Variants in CFAP20DC observed in about 807,000 individuals in gnomAD.
The protein encoded by CFAP20DC is protein CFAP20DC.
Under a neutral mutation model 101.7 loss-of-function variants are expected in CFAP20DC, and 84 were observed. That is an observed-to-expected ratio of 0.83 (90% CI 0.69 to 0.99). The LOEUF (loss-of-function observed/expected upper bound fraction) is 0.99, where lower values mean the gene tolerates loss of function less well. Ranked by LOEUF, CFAP20DC falls within the 50% of genes least tolerant of loss-of-function variation. CFAP20DC has a pLI of 0.00. For synonymous variants in CFAP20DC, 359 were observed against 351.2 expected (o/e 1.02, Z -0.25); for missense variants, 1,007 against 970.3 (o/e 1.04, Z -0.50).
chr3:58,720,993 T>G (rs1041952856), intron 3 of CFAP20DC, among the ~76,000 whole-genome samples: 1 of 152,246 alleles, frequency 6.6e-6, no homozygotes, highest in African/African-American at 2.4e-5. Context: ...GAGAAGCACT[T>G]GGTGGAAATC....
At position 58,914,003 on chromosome 3, in the gene CFAP20DC, A is replaced by C; in HGVS notation, c.394-139T>G. 1.2e-6 allele frequency: 1 copy of C among 833,112 alleles called. No homozygotes were observed. 51.6% of individuals were successfully genotyped at this position (833,112 alleles called of 1,614,324 possible). A position where few individuals can be genotyped will look rare whatever the true frequency, so the allele number is the denominator to read the frequency against. ...CCAAACTAATTTTCCTCTTTAGGTA[A>C]ACTTATCTCTGTTTTGGCTTAAAAA... On this transcript the variant is annotated intron_variant, in intron 5 of 16. Coordinates refer to ENST00000482387, the MANE Select transcript of CFAP20DC (RefSeq NM_001394063.1). This position sits in a 1 kb window ranked among gnomAD's most constrained non-coding sequence, Gnocchi z 4.9.
At chr3:58,885,748 A>C (rs1331708662) in intron 6 of CFAP20DC, among the ~76,000 whole-genome samples, 1 of 151,778 alleles carries the variant, frequency 6.6e-6, no homozygotes, top group African/African-American at 2.4e-5. Context: ...CACTTAACAT[A>C]ATGTCCACTT....
At chr3:58,812,542 C>T (rs1424528258) in intron 14 of CFAP20DC, among the ~76,000 whole-genome samples, 4 of 150,188 alleles carry the variant, frequency 2.7e-5, no homozygotes, top group African/African-American at 9.9e-5. Context: ...ACATCACAGT[C>T]TGGGGACTGT....
rs923569069 is a variant in CFAP20DC, at chr3:58,951,524, T to G, written c.279-13762A>C. Among the ~76,000 whole-genome samples, 14 of 152,250 alleles carry G rather than the reference T, an allele frequency of 9.2e-5. 1 individual carries two copies. The highest frequency in any genetic ancestry group is 6.5e-4 in the Admixed American group (10 of 15,294). On this transcript the variant is annotated intron_variant, in intron 4 of 16. Transcript: ENST00000482387. ...AGCCAAGCCAAATGTCCAACAATGA[T>G]AGACTGGATTAAGAAAATGTGGCAC...
At chr3:58,786,384 C>T (rs755993926) in intron 15 of CFAP20DC, among the ~76,000 whole-genome samples, 5 of 152,100 alleles carry the variant, frequency 3.3e-5, no homozygotes, top group Non-Finnish European at 5.9e-5. Context: ...ACAGTAGTCC[C>T]TCCTTGTCCT....
At chr3:58,813,672 T>A (rs542247181) in intron 14 of CFAP20DC, among the ~76,000 whole-genome samples, 1 of 152,104 alleles carries the variant, frequency 6.6e-6, no homozygotes, top group East Asian at 1.9e-4. Flanking sequence ...ACTGTCTTCC[T>A]CTATAAATTA....
intron 15 of CFAP20DC, among the ~76,000 whole-genome samples, chr3:58,755,325 A>AT (rs56845425): frequency 0.12 from 17,891 of 152,106 alleles, 1,884 homozygotes; most frequent in East Asian, 0.35. Flanking sequence ...CTAATGGGGC[A>AT]TTTCTGATAA....
chr3:58,891,440 AGGG>A (rs2082251905), intron 6 of CFAP20DC, among the ~76,000 whole-genome samples: 1 of 142,388 alleles, frequency 7.0e-6, no homozygotes, highest in African/African-American at 2.7e-5. Context: ...GGAGAGGGAG[AGGG>A]AGAGGGAGAG....
Position 58,849,212 on chromosome 3 carries a change from C to G in CFAP20DC, c.1791G>C (p.Met597Ile). ...AAAGGCATGTTGTAGGCAACAAACT[C>G]ATTTCAAAGTTATTTCTATCTATTT... is the stretch of plus-strand genomic sequence containing the variant. ...MEQIDRNNFE[M>I]SLLPTTCLSP... Residue 597 changes from methionine (M) to isoleucine (I), a missense_variant, in exon 13 of 17, where the codon ATG becomes ATC. Physicochemically the swap from Met to Ile is conservative, Grantham distance 10. Coordinates refer to ENST00000482387, the MANE Select transcript of CFAP20DC (RefSeq NM_001394063.1). The G allele has an allele frequency of 6.5e-7, 1 of 1,536,094 alleles. No homozygotes were observed. The highest frequency in any genetic ancestry group is 1.2e-5 in the South Asian group (1 of 84,024).
intron 3 of CFAP20DC, among the ~76,000 whole-genome samples, chr3:58,735,345 C>A (rs557105176): frequency 2.0e-5 from 3 of 152,288 alleles, no homozygotes; most frequent in African/African-American, 7.2e-5. Context: ...CAAAATAGGT[C>A]ATGTTTTCCA....
intron 4 of CFAP20DC, among the ~76,000 whole-genome samples, chr3:58,954,493 C>T (rs1480242350): frequency 6.6e-6 from 1 of 152,064 alleles, no homozygotes; most frequent in Non-Finnish European, 1.5e-5. Flanking sequence ...TCAAATAGCT[C>T]TAGGTACAGT....
intron 6 of CFAP20DC, among the ~76,000 whole-genome samples, chr3:58,886,533 G>A (rs2081640459): frequency 6.6e-6 from 1 of 151,750 alleles, no homozygotes; most frequent in South Asian, 2.1e-4. Context: ...ACCAGCCTGG[G>A]TAACATAGCC....
chr3:58,840,140 C>T (rs1210573833), intron 13 of CFAP20DC, among the ~76,000 whole-genome samples: 1 of 152,136 alleles, frequency 6.6e-6, no homozygotes, highest in Non-Finnish European at 1.5e-5. Context: ...TATTTAATCA[C>T]CAAATTCTGC....
chr3:58,978,463 C>G (rs2092375394), intron 4 of CFAP20DC, among the ~76,000 whole-genome samples: 1 of 152,054 alleles, frequency 6.6e-6, no homozygotes, highest in South Asian at 2.1e-4. Flanking sequence ...AATCCCAGCA[C>G]TTTGGGAGGC....
At chr3:59,036,941 C>T (rs1037426955) in intron 4 of CFAP20DC, among the ~76,000 whole-genome samples, 3 of 151,984 alleles carry the variant, frequency 2.0e-5, no homozygotes, top group Non-Finnish European at 2.9e-5. Context: ...GATATATAGA[C>T]CAATGGAACA....
At chr3:58,787,681 T>A (rs114473996) in intron 15 of CFAP20DC, among the ~76,000 whole-genome samples, 2,631 of 152,124 alleles carry the variant, frequency 0.017, 41 homozygotes, top group Non-Finnish European at 0.025. Context: ...ACTATAAAGA[T>A]GCACATGCAT....
intron 5 of CFAP20DC, among the ~76,000 whole-genome samples, chr3:58,930,508 A>T (rs1028909023): frequency 2.6e-5 from 4 of 152,190 alleles, no homozygotes; most frequent in African/African-American, 9.7e-5. Flanking sequence ...ATAACTCTGG[A>T]TCCCAGAATA....
chr3:58,811,659 T>C (rs2107791187), intron 14 of CFAP20DC, among the ~76,000 whole-genome samples: 1 of 152,172 alleles, frequency 6.6e-6, no homozygotes, highest in East Asian at 1.9e-4. Context: ...GGACTTCATG[T>C]CTAAAACACC....
At chr3:58,876,988 C>T (rs563028144) in intron 7 of CFAP20DC, among the ~76,000 whole-genome samples, 13 of 152,122 alleles carry the variant, frequency 8.5e-5, no homozygotes, top group African/African-American at 1.4e-4. Context: ...CCTCTTCATC[C>T]GTAAGACTGG....
Sources: allele counts gnomAD v4.1 joint callset (sites outside exome capture counted in the v4.1 genomes callset), GRCh38; gene constraint gnomAD v4.1.1; non-coding constraint Gnocchi (gnomAD v3.1); transcripts MANE v1.5; gene names NCBI Gene and HGNC (gene_info 2026-07-23, HGNC 2026-07-21).